Variants in DACH2 observed in about 807,000 individuals in gnomAD.
DACH2 encodes dachshund homolog 2.
In DACH2, 17 loss-of-function variants were observed where a neutral mutation model predicts 35.8. The ratio of observed to expected loss-of-function variants is 0.48; its 90% CI spans 0.33 to 0.71. The LOEUF is 0.71. DACH2 is among the 30% of genes least tolerant of loss of function. The pLI, the probability that DACH2 is intolerant of heterozygous loss-of-function variation, is 0.02. For synonymous variants in DACH2, 195 were observed against 177.3 expected (o/e 1.10, Z -0.79); for missense variants, 469 against 472.7 (o/e 0.99, Z 0.07).
intron 1 of DACH2, among the ~76,000 whole-genome samples, chrX:86,300,021 G>A (rs1301193688): frequency 2.7e-5 from 3 of 111,409 alleles, no homozygotes; most frequent in Non-Finnish European, 3.8e-5. Context: ...TGAGTGTTTA[G>A]CATTTCTATG....
chrX:86,229,323 T>TA (rs1392519648), intron 1 of DACH2, among the ~76,000 whole-genome samples: 1 of 112,052 alleles, frequency 8.9e-6, no homozygotes, highest in Non-Finnish European at 1.9e-5. Context: ...TCCATTGGTC[T>TA]ATGTGCTTAT....
At chrX:86,291,966 T>C (rs1381857464) in intron 1 of DACH2, among the ~76,000 whole-genome samples, 3 of 69,477 alleles carry the variant, frequency 4.3e-5, no homozygotes, top group African/African-American at 6.8e-5. Context: ...GATTCCCTCT[T>C]TTTCTATTGA....
chrX:86,405,500 T>C (rs1602485081), intron 2 of DACH2, among the ~76,000 whole-genome samples: 2 of 111,703 alleles, frequency 1.8e-5, no homozygotes, highest in Non-Finnish European at 3.8e-5. Context: ...CTGAACCTTA[T>C]TGTGCATATC....
chrX:86,787,183 A>G (rs1185699684), intron 7 of DACH2, among the ~76,000 whole-genome samples: 1 of 112,360 alleles, frequency 8.9e-6, no homozygotes, highest in African/African-American at 3.2e-5. Context: ...GGGATTGAAA[A>G]ATAAATCTTT....
intron 5 of DACH2, among the ~76,000 whole-genome samples, chrX:86,702,800 C>G (rs181990079): frequency 3.5e-4 from 39 of 111,166 alleles, no homozygotes; most frequent in African/African-American, 1.1e-3. Flanking sequence ...GCCAGTCAAA[C>G]AAAAGCCCAG....
intron 3 of DACH2, among the ~76,000 whole-genome samples, chrX:86,556,954 C>T (rs962153889): frequency 9.4e-6 from 1 of 106,623 alleles, no homozygotes; most frequent in African/African-American, 3.4e-5. Flanking sequence ...GTGTGAAGGC[C>T]TGAGAACCAG....
At position 86,326,680 on chromosome X, in the gene DACH2, C is replaced by T. The variant is rs111854777; in HGVS notation, c.489-50144C>T. ...CAATAGGTAGTTTTTCTTCTCTTGC[C>T]CTTCTCCCTCCTTGTCCCTCCTGTG... On this transcript the variant is annotated intron_variant, in intron 1 of 11. Transcript: ENST00000373125. Among the ~76,000 whole-genome samples the T allele has an allele frequency of 4.0e-3, 442 of 110,792 alleles. 1 individual carries two copies. The highest frequency in any genetic ancestry group is 9.2e-3 in the Middle Eastern group (2 of 217).
chrX:86,257,381 A>G (rs1382182964), intron 1 of DACH2, among the ~76,000 whole-genome samples: 1 of 111,424 alleles, frequency 9.0e-6, no homozygotes, highest in African/African-American at 3.3e-5. Flanking sequence ...CCCTTCAATT[A>G]TTTCTGTCAT....
chrX:86,375,813 A>G (rs942249445), intron 1 of DACH2, among the ~76,000 whole-genome samples: 6 of 110,211 alleles, frequency 5.4e-5, no homozygotes, highest in African/African-American at 9.9e-5. Context: ...ACAAAACAAA[A>G]CAAAACAGAT....
At chrX:86,612,005 G>A (rs946429349) in intron 3 of DACH2, among the ~76,000 whole-genome samples, 5 of 107,378 alleles carry the variant, frequency 4.7e-5, no homozygotes, top group African/African-American at 1.4e-4. Flanking sequence ...ATGATAGGTG[G>A]ATCCTTATAT....
chrX:86,301,336 G>T (rs1456504724), intron 1 of DACH2, among the ~76,000 whole-genome samples: 1 of 111,630 alleles, frequency 9.0e-6, no homozygotes, highest in Admixed American at 9.6e-5. Context: ...ACAAATACAG[G>T]TTCATAAATA....
chrX:86,367,663 G>A (rs962320833), intron 1 of DACH2, among the ~76,000 whole-genome samples: 4 of 111,258 alleles, frequency 3.6e-5, no homozygotes, highest in Non-Finnish European at 3.8e-5. Flanking sequence ...ATGGTGACAC[G>A]GTTAATGGTG....
chrX:86,235,739 C>G (rs1359056531), intron 1 of DACH2, among the ~76,000 whole-genome samples: 2 of 111,964 alleles, frequency 1.8e-5, no homozygotes, highest in African/African-American at 6.5e-5. Flanking sequence ...CATGTTTAGA[C>G]TTGGGACCCC....
At chrX:86,256,351 A>G (rs770011398) in intron 1 of DACH2, among the ~76,000 whole-genome samples, 2 of 111,609 alleles carry the variant, frequency 1.8e-5, no homozygotes, top group Non-Finnish European at 3.8e-5. Flanking sequence ...GAAGAGAGAC[A>G]TGCCACTGAT....
chrX:86,292,944 G>C (rs1388543474), intron 1 of DACH2, among the ~76,000 whole-genome samples: 1 of 101,208 alleles, frequency 9.9e-6, no homozygotes, highest in Admixed American at 1.1e-4. Flanking sequence ...TATTAGGTCC[G>C]CTTGGTGAAG....
At chrX:86,174,937 G>A (rs1255979513) in intron 1 of DACH2, among the ~76,000 whole-genome samples, 1 of 111,902 alleles carries the variant, frequency 8.9e-6, no homozygotes, top group Non-Finnish European at 1.9e-5. Context: ...TCCCACCTCA[G>A]CCTCCAAAAG....
chrX:86,248,815 C>T (rs1169193660), intron 1 of DACH2, among the ~76,000 whole-genome samples: 2 of 111,036 alleles, frequency 1.8e-5, no homozygotes, highest in African/African-American at 6.5e-5. Flanking sequence ...CTACAGTAAC[C>T]AAAACAGCGT....
In DACH2 at chrX:86,503,178, A is replaced by T. The variant is rs928743140; in HGVS notation, c.528-11101A>T. On this transcript the variant is annotated intron_variant, in intron 2 of 11. Coordinates refer to ENST00000373125, the MANE Select transcript of DACH2 (RefSeq NM_053281.3). ...TGTTTTCTATTCTCTTCCCTTACCCATATTTGAGGATAAATGTTGTGGTTT... is the reference window on the plus strand; with the variant it reads ...TGTTTTCTATTCTCTTCCCTTACCCTTATTTGAGGATAAATGTTGTGGTTT... Among the ~76,000 whole-genome samples the T allele has an allele frequency of 1.9e-4, 21 of 111,903 alleles. No individual in the cohort carries two copies. In the Admixed American group the frequency reaches 2.0e-3, roughly 11 times the overall value.
intron 1 of DACH2, among the ~76,000 whole-genome samples, chrX:86,266,128 A>C (rs1392509256): frequency 9.0e-6 from 1 of 111,123 alleles, no homozygotes; most frequent in East Asian, 2.8e-4. Context: ...CATGCCTCAG[A>C]ATCCCCTCAA....
Sources: gnomAD v4.1 joint callset for allele counts (sites outside exome capture counted in the v4.1 genomes callset) on GRCh38, gnomAD v4.1.1 for gene constraint, MANE v1.5 for transcripts, NCBI Gene and HGNC (gene_info 2026-07-23, HGNC 2026-07-21) for gene names.